The following GLDN variants were observed in gnomAD, a reference collection of about 807,000 sequenced individuals.
GLDN encodes the protein gliomedin, also known as collomin.
In GLDN, 47 loss-of-function variants were observed where a neutral mutation model predicts 56.5. That is an observed-to-expected ratio of 0.83 (90% CI 0.66 to 1.06). GLDN has a LOEUF of 1.06. Among genes scored for constraint, GLDN ranks in the 50% least tolerant of loss-of-function variants. GLDN has a pLI of 0.00. For synonymous variants in GLDN, 332 were observed against 278.8 expected (o/e 1.19, Z -1.90); for missense variants, 782 against 714.3 (o/e 1.09, Z -1.08).
chr15:51,381,507 T>G (rs968655120), intron 2 of GLDN, among the ~76,000 whole-genome samples: 8 of 152,174 alleles, frequency 5.3e-5, no homozygotes, highest in African/African-American at 1.7e-4. Context: ...AGAGTAGGAC[T>G]GTTATGTATT....
intron 1 of GLDN, among the ~76,000 whole-genome samples, chr15:51,362,411 G>T (rs61271020): frequency 6.6e-6 from 1 of 151,650 alleles, no homozygotes; most frequent in African/African-American, 2.4e-5. Flanking sequence ...CTTGAACCAG[G>T]GAGGCAGACG....
intron 1 of GLDN, among the ~76,000 whole-genome samples, chr15:51,352,399 A>AT (rs2141052125): frequency 6.6e-6 from 1 of 152,254 alleles, no homozygotes; most frequent in East Asian, 1.9e-4. Context: ...CAATGTAGGA[A>AT]TTTGGGGGTA....
chr15:51,389,848 G>A (rs1175196276), intron 4 of GLDN, among the ~76,000 whole-genome samples: 1 of 152,194 alleles, frequency 6.6e-6, no homozygotes, highest in Admixed American at 6.5e-5. Flanking sequence ...GCTAGGACTA[G>A]AGGGTAATGG....
intron 1 of GLDN, among the ~76,000 whole-genome samples, chr15:51,343,454 C>T (rs773771330): frequency 6.6e-6 from 1 of 152,178 alleles, no homozygotes; most frequent in Non-Finnish European, 1.5e-5. Flanking sequence ...TACATCTGAG[C>T]ATCATTGTTT....
chr15:51,388,415 C>T (rs187969900), intron 4 of GLDN, among the ~76,000 whole-genome samples: 20 of 152,172 alleles, frequency 1.3e-4, no homozygotes, highest in Non-Finnish European at 2.5e-4. Flanking sequence ...GGTGATTATT[C>T]GCTGTTGTGC....
intron 6 of GLDN, among the ~76,000 whole-genome samples, 190 bp downstream of exon 6, chr15:51,397,788 C>T (rs2038167315): frequency 6.6e-6 from 1 of 152,288 alleles, no homozygotes; most frequent in East Asian, 1.9e-4. Context: ...GGACCAGGGA[C>T]AGTTTTAGAA....
intron 4 of GLDN, among the ~76,000 whole-genome samples, chr15:51,391,773 G>A (rs11635638): frequency 0.015 from 2,214 of 152,286 alleles, 26 homozygotes; most frequent in Non-Finnish European, 0.024. Context: ...TGAATCCATG[G>A]CACAGCCAGT....
At chr15:51,382,761 G>A (rs2141099043) in intron 2 of GLDN, among the ~76,000 whole-genome samples, 1 of 150,052 alleles carries the variant, frequency 6.7e-6, no homozygotes, top group African/African-American at 2.5e-5. Flanking sequence ...GAAACAAAAG[G>A]AACTCAAGTG....
intron 1 of GLDN, among the ~76,000 whole-genome samples, chr15:51,360,974 A>G (rs2037288324): frequency 6.6e-6 from 1 of 152,246 alleles, no homozygotes; most frequent in Non-Finnish European, 1.5e-5. Context: ...TCCTCCCAAC[A>G]TCAGACGACT....
intron 1 of GLDN, among the ~76,000 whole-genome samples, chr15:51,362,209 G>A (rs1001756212): frequency 1.3e-5 from 2 of 152,178 alleles, no homozygotes; most frequent in African/African-American, 4.8e-5. Flanking sequence ...TCAGGGCCGG[G>A]CATGGTGGCT....
downstream of GLDN, among the ~76,000 whole-genome samples, chr15:51,410,924 A>G (rs992460535): frequency 2.6e-5 from 4 of 152,200 alleles, no homozygotes; most frequent in Admixed American, 6.5e-5. Flanking sequence ...TCCTTCATTG[A>G]GGACCCCAGG....
At chr15:51,350,034 C>T (rs779025263) in intron 1 of GLDN, among the ~76,000 whole-genome samples, 1 of 152,182 alleles carries the variant, frequency 6.6e-6, no homozygotes, top group African/African-American at 2.4e-5. Context: ...TGAGCCACCG[C>T]ACCCGGCCTA....
intron 5 of GLDN, among the ~76,000 whole-genome samples, chr15:51,395,702 C>T (rs1416923954): frequency 1.3e-5 from 2 of 152,166 alleles, no homozygotes; most frequent in Admixed American, 1.3e-4. Flanking sequence ...CGCTTAACAC[C>T]TGTACTAGTC....
downstream of GLDN, among the ~76,000 whole-genome samples, chr15:51,411,575 G>A (rs1357257188): frequency 6.6e-6 from 1 of 152,240 alleles, no homozygotes; most frequent in Non-Finnish European, 1.5e-5. Context: ...CACGGTCACT[G>A]TTGGAACTAC....
Position 51,388,360 on chromosome 15 carries a change from A to G in GLDN, c.541+4468A>G, listed in dbSNP as rs17704533. On this transcript the variant is annotated intron_variant, in intron 4 of 9. Transcript: ENST00000335449. Reference sequence around the variant, plus strand: ...ATTGCGCTAATGGTGTGACCTCCCAAGTGGAATCAATCAAAATATTGATCC... The same window carrying G: ...ATTGCGCTAATGGTGTGACCTCCCAGGTGGAATCAATCAAAATATTGATCC... Among the ~76,000 whole-genome samples the G allele has an allele frequency of 6.5e-3, 988 of 152,230 alleles. 26 individuals are homozygous for G. The East Asian group carries it at 0.09, about 14-fold the overall frequency.
the GLDN span, among the ~76,000 whole-genome samples, chr15:51,413,282 C>T: frequency 6.6e-6 from 1 of 152,148 alleles, no homozygotes; most frequent in African/African-American, 2.4e-5. Flanking sequence ...GTGAAAGAAG[C>T]CTCCAGCAAT....
At chr15:51,403,159 C>T (rs1435091306) in intron 9 of GLDN, among the ~76,000 whole-genome samples, 1 of 152,172 alleles carries the variant, frequency 6.6e-6, no homozygotes, top group Non-Finnish European at 1.5e-5. Flanking sequence ...CTCTATGCCG[C>T]GCCACGGACT....
chr15:51,384,557 G>C (rs950364887), intron 4 of GLDN: 3 of 154,238 alleles, frequency 1.9e-5, no homozygotes, highest in African/African-American at 7.2e-5. Flanking sequence ...CCAGGGAGCA[G>C]TAAGAATCAG....
rs140997065 is a variant in GLDN, at chr15:51,345,186, T to C, written c.363+3139T>C. On this transcript the variant is annotated intron_variant, in intron 1 of 9. Coordinates refer to ENST00000335449, the MANE Select transcript of GLDN (RefSeq NM_181789.4). ...CATCAGCTACCCTCTCTCATTCCTCTCTTCCTGTCTCACATTTGCTGATGT... is the reference window on the plus strand; with the variant it reads ...CATCAGCTACCCTCTCTCATTCCTCCCTTCCTGTCTCACATTTGCTGATGT... Among the ~76,000 whole-genome samples the C allele has an allele frequency of 1.9e-3, 291 of 152,348 alleles. 1 individual carries two copies. Among genetic ancestry groups the C allele is most frequent in the African/African-American group, 6.8e-3 (282 of 41,576 alleles).
Sources: allele counts gnomAD v4.1 joint callset (sites outside exome capture counted in the v4.1 genomes callset), GRCh38; gene constraint gnomAD v4.1.1; transcripts MANE v1.5; gene names NCBI Gene and HGNC (gene_info 2026-07-23, HGNC 2026-07-21).